FRAS1: variants seen among roughly 807,000 people sequenced by gnomAD.
FRAS1 encodes the protein extracellular matrix organizing protein FRAS1.
Under a neutral mutation model 435.2 loss-of-function variants are expected in FRAS1, and 290 were observed. The observed-to-expected ratio is 0.67, with a 90% CI of 0.61 to 0.73. FRAS1 has a LOEUF of 0.73. Among genes scored for constraint, FRAS1 ranks in the 30% least tolerant of loss-of-function variants. The pLI, the probability that FRAS1 is intolerant of heterozygous loss-of-function variation, is 0.00. For synonymous variants in FRAS1, 1,800 were observed against 1,851.0 expected (o/e 0.97, Z 0.71); for missense variants, 4,860 against 5,001.5 (o/e 0.97, Z 0.85).
chr4:78,092,721 G>A (rs1442420738), intron 2 of FRAS1, among the ~76,000 whole-genome samples: 1 of 152,156 alleles, frequency 6.6e-6, no homozygotes, highest in Non-Finnish European at 1.5e-5. Flanking sequence ...AGGGAGACAT[G>A]GGCTTCAATG....
intron 5 of FRAS1, 40 bp from the exon 6 acceptor site, chr4:78,255,202 T>C: frequency 6.4e-7 from 1 of 1,550,842 alleles, no homozygotes; most frequent in Non-Finnish European, 8.7e-7. Flanking sequence ...GATCAACAAA[T>C]GCCATCCCCC....
chr4:78,472,407 A>G (rs200673128), intron 52 of FRAS1, 77 bp downstream of exon 52: 1 of 1,329,240 alleles, frequency 7.5e-7, no homozygotes, highest in African/African-American at 1.5e-5. Context: ...GATTCTTCTC[A>G]CAGCCACTTC....
Position 78,384,158 on chromosome 4 carries a change from C to T in FRAS1, c.3648+15C>T, listed in dbSNP as rs780798952. 2.1e-5 allele frequency: 32 copies of T among 1,535,852 alleles called. No individual in the cohort carries two copies. The South Asian group carries it at 3.9e-4, about 19-fold the overall frequency. ...TTTCAACACAGGTAATAAAAATGGC[C>T]ACGTAATTAATAATTTTACATGACT... On this transcript the variant is annotated intron_variant, in intron 28 of 73. Transcript: ENST00000512123.
intron 54 of FRAS1, among the ~76,000 whole-genome samples, chr4:78,476,421 G>T (rs529906020): frequency 1.1e-5 from 1 of 87,948 alleles, no homozygotes; most frequent in African/African-American, 3.3e-5. Context: ...CAAATACAGG[G>T]CCCCATGTAT....
chr4:78,339,505 T>C (rs577978240), intron 20 of FRAS1, among the ~76,000 whole-genome samples: 1 of 152,144 alleles, frequency 6.6e-6, no homozygotes, highest in African/African-American at 2.4e-5. Flanking sequence ...AGTAACAAGA[T>C]ATGGAAGGCA....
At chr4:78,112,687 A>T (rs1281404800) in intron 2 of FRAS1, among the ~76,000 whole-genome samples, 1 of 152,130 alleles carries the variant, frequency 6.6e-6, no homozygotes, top group Non-Finnish European at 1.5e-5. Context: ...AAACCAAAAC[A>T]ATCAAATGTC....
intron 2 of FRAS1, among the ~76,000 whole-genome samples, chr4:78,208,850 C>T (rs140148161): frequency 6.6e-6 from 1 of 152,100 alleles, no homozygotes; most frequent in East Asian, 1.9e-4. Context: ...ATATAGAATT[C>T]TAGGGGTTGG....
chr4:78,207,643 A>C (rs1723319616), intron 2 of FRAS1, among the ~76,000 whole-genome samples: 1 of 152,188 alleles, frequency 6.6e-6, no homozygotes, highest in Non-Finnish European at 1.5e-5. Flanking sequence ...AGAAACTATA[A>C]TAGGTCAGTG....
At position 78,369,877 on chromosome 4, in the gene FRAS1, G is replaced by T. The variant is rs755877479; in HGVS notation, c.2762G>T (p.Ser921Ile). The part of the protein sequence containing the change: ...THCGSCDSQA[S>I]CTSCRDPNKV... ...TGTGGAAGCTGTGATTCACAGGCCA[G>T]CTGTACCTCCTGCCGAGATCCAAAC... The change falls in exon 23 of 74, where the codon AGC becomes ATC. Residue 921 changes from serine (S) to isoleucine (I), a missense_variant. Physicochemically the swap from Ser to Ile is moderately radical, Grantham distance 142. Transcript: ENST00000512123. 5 of 1,613,704 alleles carry T rather than the reference G, an allele frequency of 3.1e-6. No homozygotes were observed. In the South Asian group the frequency reaches 5.5e-5, roughly 18 times the overall value.
intron 4 of FRAS1, among the ~76,000 whole-genome samples, chr4:78,251,679 G>T (rs1348297833): frequency 3.3e-5 from 5 of 152,214 alleles, no homozygotes; most frequent in African/African-American, 1.2e-4. Flanking sequence ...GAGCCCACTG[G>T]TGAAGGGAAT....
At chr4:78,190,692 G>T (rs1380483721) in intron 2 of FRAS1, among the ~76,000 whole-genome samples, 4 of 148,550 alleles carry the variant, frequency 2.7e-5, no homozygotes, top group Non-Finnish European at 3.0e-5. Context: ...CTGACACAGA[G>T]AATTTGCTTA....
At chr4:78,453,736 C>A (rs533706816) in intron 47 of FRAS1, among the ~76,000 whole-genome samples, 36 of 108,194 alleles carry the variant, frequency 3.3e-4, no homozygotes, top group Non-Finnish European at 2.9e-4. Context: ...GGATTTGAGG[C>A]CGCAGTGATC....
intron 29 of FRAS1, among the ~76,000 whole-genome samples, chr4:78,393,031 A>T (rs1215614266): frequency 6.7e-6 from 1 of 150,140 alleles, no homozygotes; most frequent in African/African-American, 2.4e-5. Context: ...TTTAAAAAAA[A>T]CCCTACTTTA....
At chr4:78,418,904 G>T in intron 32 of FRAS1, 45 bp from the exon 33 acceptor site, 1 of 1,233,146 alleles carries the variant, frequency 8.1e-7, no homozygotes, top group Non-Finnish European at 1.2e-6. Context: ...TCTGGCTTTT[G>T]TTTTTCATAC....
chr4:78,253,486 A>G (rs542712180), intron 5 of FRAS1, among the ~76,000 whole-genome samples: 3 of 152,204 alleles, frequency 2.0e-5, no homozygotes, highest in Non-Finnish European at 4.4e-5. Context: ...TAGAGAGGTG[A>G]TAAATGTCCA....
At chr4:78,226,126 A>G (rs1405168523) in intron 2 of FRAS1, among the ~76,000 whole-genome samples, 8 of 152,172 alleles carry the variant, frequency 5.3e-5, no homozygotes, top group African/African-American at 1.7e-4. Context: ...ACCTCTTCTC[A>G]GCCATTACTA....
At chr4:78,480,368 TA>T (rs1342344917) in intron 56 of FRAS1, among the ~76,000 whole-genome samples, 1 of 152,134 alleles carries the variant, frequency 6.6e-6, no homozygotes, top group Non-Finnish European at 1.5e-5. Context: ...TTGTGGGAGC[TA>T]AAGGTTAAAA....
rs1292405543 is a variant in FRAS1, at chr4:78,441,153, C to A, written c.5530-9C>A. ...CACCAAGGACTCTCTATGTTCTTTT[C>A]TTTCTTAGGTTGATGAGGGAGGGAG... is the stretch of plus-strand genomic sequence containing the variant. On this transcript the variant is annotated splice_polypyrimidine_tract_variant and intron_variant, in intron 40 of 73. Transcript: ENST00000512123. 1 of 1,613,384 alleles carries A rather than the reference C, an allele frequency of 6.2e-7. No homozygotes were observed.
chr4:78,535,783 A>T (rs1697351861), intron 71 of FRAS1, among the ~76,000 whole-genome samples: 1 of 152,102 alleles, frequency 6.6e-6, no homozygotes, highest in South Asian at 2.1e-4. Flanking sequence ...GTGTGTTACT[A>T]CCTTTCCGCT....
Sources: allele counts gnomAD v4.1 joint callset (sites outside exome capture counted in the v4.1 genomes callset), GRCh38; gene constraint gnomAD v4.1.1; transcripts MANE v1.5; gene names NCBI Gene and HGNC (gene_info 2026-07-23, HGNC 2026-07-21).